Variants in C12orf42 observed in about 807,000 individuals in gnomAD.
C12orf42 encodes chromosome 12 open reading frame 42.
A neutral mutation model predicts 21.6 loss-of-function variants in C12orf42; 25 were observed. The ratio of observed to expected loss-of-function variants is 1.16; its 90% CI spans 0.84 to 1.62. C12orf42 has a LOEUF of 1.62. Ranked by LOEUF, C12orf42 falls within the 40% of genes most tolerant of loss-of-function variation. The pLI, the probability that C12orf42 is intolerant of heterozygous loss-of-function variation, is 0.00. For synonymous variants in C12orf42, 174 were observed against 175.0 expected (o/e 0.99, Z 0.05); for missense variants, 483 against 459.3 (o/e 1.05, Z -0.47).
chr12:103,276,959 T>A (rs2035808457), intron 5 of C12orf42, among the ~76,000 whole-genome samples: 1 of 152,288 alleles, frequency 6.6e-6, no homozygotes, highest in African/African-American at 2.4e-5. Context: ...TTTTGAAATA[T>A]TTTTAAAAAT....
the C12orf42 span, among the ~76,000 whole-genome samples, chr12:103,191,347 T>C: frequency 2.6e-5 from 4 of 151,680 alleles, no homozygotes; most frequent in East Asian, 5.8e-4. Context: ...GCTAAACATA[T>C]AAACAAATAC....
the C12orf42 span, among the ~76,000 whole-genome samples, chr12:103,223,029 C>A: frequency 2.6e-5 from 4 of 152,050 alleles, no homozygotes; most frequent in African/African-American, 9.7e-5. Flanking sequence ...TTTATTCATT[C>A]ATTCACATTA....
intron 2 of C12orf42, chr12:103,456,216 G>A (rs1275145053): frequency 6.6e-6 from 1 of 152,060 alleles, no homozygotes; most frequent in African/African-American, 2.4e-5. Flanking sequence ...TGTGGTGGGA[G>A]GGACAGAAAT....
At chr12:103,366,649 G>A (rs1352201465) in intron 4 of C12orf42, among the ~76,000 whole-genome samples, 4 of 151,698 alleles carry the variant, frequency 2.6e-5, no homozygotes, top group Non-Finnish European at 5.9e-5. Context: ...AAGTGGGCTA[G>A]GGACATGAAT....
At chr12:103,489,964 C>G (rs1955087211) in intron 1 of C12orf42, among the ~76,000 whole-genome samples, 1 of 152,234 alleles carries the variant, frequency 6.6e-6, no homozygotes, top group South Asian at 2.1e-4. Flanking sequence ...CACCCACTGT[C>G]CAACCAGTCC....
At chr12:103,083,958 A>G in the C12orf42 span, among the ~76,000 whole-genome samples, 1 of 152,214 alleles carries the variant, frequency 6.6e-6, no homozygotes, top group African/African-American at 2.4e-5. Flanking sequence ...ATAGTGTTGT[A>G]CATAATGTGA....
the C12orf42 span, among the ~76,000 whole-genome samples, chr12:103,153,888 C>A: frequency 6.6e-6 from 1 of 151,730 alleles, no homozygotes; most frequent in African/African-American, 2.4e-5. Context: ...TCACAGTAGT[C>A]CAAAACTATA....
At chr12:103,512,387 C>A in the C12orf42 span, among the ~76,000 whole-genome samples, 4 of 152,064 alleles carry the variant, frequency 2.6e-5, no homozygotes, top group African/African-American at 9.7e-5. Flanking sequence ...GGAATAAGTT[C>A]TCTTGTTGGA....
At chr12:103,224,485 A>G in the C12orf42 span, among the ~76,000 whole-genome samples, 1 of 151,994 alleles carries the variant, frequency 6.6e-6, no homozygotes, top group Non-Finnish European at 1.5e-5. Context: ...AAATTTGGGG[A>G]AATGGGGTGA....
chr12:103,307,090 C>T (rs2038420237), intron 4 of C12orf42, among the ~76,000 whole-genome samples: 1 of 152,132 alleles, frequency 6.6e-6, no homozygotes, highest in African/African-American at 2.4e-5. Context: ...TGTAGCTTCC[C>T]AAACTGAGAG....
the C12orf42 span, among the ~76,000 whole-genome samples, chr12:103,523,612 A>C: frequency 6.6e-6 from 1 of 151,078 alleles, no homozygotes; most frequent in Non-Finnish European, 1.5e-5. Flanking sequence ...ATATACATAT[A>C]TATACTCTAT....
the C12orf42 span, among the ~76,000 whole-genome samples, chr12:103,527,087 A>G: frequency 6.6e-6 from 1 of 152,138 alleles, no homozygotes; most frequent in Non-Finnish European, 1.5e-5. Flanking sequence ...TCTTCTTGTC[A>G]GGGATTGGTT....
At chr12:103,266,928 G>A (rs535853214), downstream of C12orf42, among the ~76,000 whole-genome samples, 1 of 152,198 alleles carries the variant, frequency 6.6e-6, no homozygotes, top group Admixed American at 6.5e-5. Context: ...TTAACCTATG[G>A]CAGGCATTTT....
At chr12:103,102,165 G>C in the C12orf42 span, among the ~76,000 whole-genome samples, 1 of 152,280 alleles carries the variant, frequency 6.6e-6, no homozygotes, top group South Asian at 2.1e-4. Flanking sequence ...TGTTCACATG[G>C]AGAGAAATAA....
the C12orf42 span, among the ~76,000 whole-genome samples, chr12:103,146,000 T>A: frequency 1.3e-5 from 2 of 151,900 alleles, no homozygotes; most frequent in African/African-American, 4.8e-5. Flanking sequence ...GAGAAAACCA[T>A]CTGGGAGGTT....
intron 10 of C12orf42, among the ~76,000 whole-genome samples, chr12:103,250,827 G>A (rs1565994840): frequency 6.6e-6 from 1 of 151,964 alleles, no homozygotes; most frequent in African/African-American, 2.4e-5. Context: ...GTTCCCTTGA[G>A]TGTAAGTGTG....
At chr12:103,403,808 G>C (rs2048220057) in intron 2 of C12orf42, among the ~76,000 whole-genome samples, 1 of 152,228 alleles carries the variant, frequency 6.6e-6, no homozygotes, top group African/African-American at 2.4e-5. Context: ...TGTCTTCCAA[G>C]TAGTCAACCT....
rs1952127998 is a variant in C12orf42, at chr12:103,454,035, T to C, written c.78+24314A>G. On this transcript the variant is annotated intron_variant, in intron 2 of 5. Coordinates refer to ENST00000548883, the MANE Select transcript of C12orf42 (RefSeq NM_198521.5). ...CCATCAACCATGCACTCACCTTTTG[T>C]AGCCACAGTCCATCGTACAAGGTCC... is the stretch of plus-strand genomic sequence containing the variant. Among the ~76,000 whole-genome samples, 5 of 152,132 alleles carry C rather than the reference T, an allele frequency of 3.3e-5. No homozygotes were observed. In the South Asian group the frequency reaches 1.0e-3, roughly 31 times the overall value.
intron 2 of C12orf42, among the ~76,000 whole-genome samples, chr12:103,470,987 G>A (rs920367338): frequency 5.3e-5 from 8 of 152,174 alleles, no homozygotes; most frequent in African/African-American, 1.9e-4. Context: ...TGCTCTGTCT[G>A]AATTCCTGAC....
Sources: gnomAD v4.1 joint callset for allele counts (sites outside exome capture counted in the v4.1 genomes callset) on GRCh38, gnomAD v4.1.1 for gene constraint, MANE v1.5 for transcripts, NCBI Gene and HGNC (gene_info 2026-07-23, HGNC 2026-07-21) for gene names.